The following RNLS variants were observed in gnomAD, a reference collection of about 807,000 sequenced individuals.
The protein encoded by RNLS is renalase.
In RNLS, 39 loss-of-function variants were observed where a neutral mutation model predicts 39.8. The ratio of observed to expected loss-of-function variants is 0.98; its 90% CI spans 0.76 to 1.28. RNLS has a LOEUF of 1.28. Among genes scored for constraint, RNLS ranks in the 50% most tolerant of loss-of-function variants. The probability of loss-of-function intolerance (pLI) is 0.00; values close to 1 mark genes in which losing one functional copy is unlikely to be tolerated. For synonymous variants in RNLS, 147 were observed against 150.7 expected, an observed-to-expected ratio of 0.98 and a Z score of 0.18; for missense variants, 410 against 413.3, an observed-to-expected ratio of 0.99 and a Z score of 0.07.
intron 6 of RNLS, among the ~76,000 whole-genome samples, chr10:88,277,931 T>C (rs1842871727): frequency 6.6e-6 from 1 of 152,226 alleles, no homozygotes; most frequent in Non-Finnish European, 1.5e-5. Context: ...ATATTAAAGT[T>C]TGCCAAATTT....
At chr10:88,538,447 G>A (rs144761578) in intron 4 of RNLS, among the ~76,000 whole-genome samples, 1 of 152,274 alleles carries the variant, frequency 6.6e-6, no homozygotes, top group African/African-American at 2.4e-5. Context: ...TGTTGTATCT[G>A]ATCACCATTT....
At chr10:88,451,497 C>T (rs748158294) in intron 4 of RNLS, among the ~76,000 whole-genome samples, 2 of 152,198 alleles carry the variant, frequency 1.3e-5, no homozygotes, top group Non-Finnish European at 2.9e-5. Flanking sequence ...CCCCACTGAG[C>T]AATGCAGCCA....
chr10:88,296,138 G>A (rs1844084017), intron 6 of RNLS, among the ~76,000 whole-genome samples: 1 of 152,062 alleles, frequency 6.6e-6, no homozygotes, highest in Non-Finnish European at 1.5e-5. Context: ...TAAAAAACCA[G>A]CTCCTTTCTG....
intron 4 of RNLS, among the ~76,000 whole-genome samples, chr10:88,463,497 A>T (rs1413101572): frequency 6.6e-6 from 1 of 152,024 alleles, no homozygotes; most frequent in Non-Finnish European, 1.5e-5. Flanking sequence ...TAAGCCACCC[A>T]GTCTGTGGTA....
chr10:88,551,150 T>TCC (rs1359948409), intron 4 of RNLS, among the ~76,000 whole-genome samples: 1 of 152,070 alleles, frequency 6.6e-6, no homozygotes, highest in East Asian at 1.9e-4. Context: ...GTGCCTGATG[T>TCC]CCCCAGGCCA....
intron 4 of RNLS, among the ~76,000 whole-genome samples, chr10:88,408,408 C>T (rs1454797019): frequency 1.3e-5 from 2 of 151,996 alleles, no homozygotes; most frequent in South Asian, 2.1e-4. Flanking sequence ...AGAGGTGATG[C>T]GTTTTGAGAA....
At chr10:88,281,161 C>CT (rs1315210897), downstream of RNLS, among the ~76,000 whole-genome samples, 1 of 152,140 alleles carries the variant, frequency 6.6e-6, no homozygotes, top group Non-Finnish European at 1.5e-5. Flanking sequence ...TTTGCTGAGA[C>CT]TTTTTTCTCC....
chr10:88,557,599 G>T (rs1428387816), intron 4 of RNLS, among the ~76,000 whole-genome samples: 2 of 152,094 alleles, frequency 1.3e-5, no homozygotes, highest in Admixed American at 6.6e-5. Context: ...AAGAATGCCA[G>T]TATTCCTCCC....
chr10:88,547,183 C>A (rs759165274), intron 4 of RNLS, among the ~76,000 whole-genome samples: 3 of 152,142 alleles, frequency 2.0e-5, no homozygotes, highest in Non-Finnish European at 2.9e-5. Context: ...TCTTCCTTTT[C>A]TTATTTACTT....
At chr10:88,247,974 A>G in the RNLS span, among the ~76,000 whole-genome samples, 81 of 152,290 alleles carry the variant, frequency 5.3e-4, no homozygotes, top group Non-Finnish European at 9.3e-4. Context: ...GCCTCCAGAA[A>G]GAAACACAGC....
chr10:88,248,923 T>A, the RNLS span, among the ~76,000 whole-genome samples: 1 of 152,206 alleles, frequency 6.6e-6, no homozygotes, highest in Non-Finnish European at 1.5e-5. Context: ...CTTCTGCTGT[T>A]CCTTCTGTCT....
chr10:88,228,275 T>C, the RNLS span, among the ~76,000 whole-genome samples: 3 of 152,274 alleles, frequency 2.0e-5, no homozygotes, highest in African/African-American at 2.4e-5. Flanking sequence ...CCACAGAAGA[T>C]TGGGTGGCTT....
chr10:88,393,144 C>G (rs904902208), intron 4 of RNLS, among the ~76,000 whole-genome samples: 1 of 152,126 alleles, frequency 6.6e-6, no homozygotes, highest in African/African-American at 2.4e-5. Context: ...GACAGGGATG[C>G]CCTCTCTTAC....
chr10:88,282,517 ACACACACAC>A (rs1843055890), downstream of RNLS, among the ~76,000 whole-genome samples: 2 of 102,972 alleles, frequency 1.9e-5, no homozygotes, highest in Admixed American at 1.0e-4. Flanking sequence ...ACACACACAC[ACACACACAC>A]GCTTGGATGA....
intron 4 of RNLS, among the ~76,000 whole-genome samples, chr10:88,469,725 C>T (rs1444891583): frequency 1.3e-5 from 2 of 151,628 alleles, no homozygotes; most frequent in South Asian, 2.1e-4. Flanking sequence ...AACCTGCTAG[C>T]ATCTCTGCTT....
chr10:88,374,899 C>T (rs1850854225), intron 4 of RNLS, among the ~76,000 whole-genome samples: 1 of 152,074 alleles, frequency 6.6e-6, no homozygotes, highest in South Asian at 2.1e-4. Context: ...GGCTTGATGT[C>T]CATCTGATGG....
intron 4 of RNLS, among the ~76,000 whole-genome samples, chr10:88,428,912 C>A (rs533020022): frequency 1.4e-4 from 22 of 151,998 alleles, no homozygotes; most frequent in African/African-American, 5.3e-4. Flanking sequence ...ATGGAAAGGG[C>A]AGTTGGTTGT....
chr10:88,218,835 C>G, the RNLS span, among the ~76,000 whole-genome samples: 1 of 152,142 alleles, frequency 6.6e-6, no homozygotes, highest in Non-Finnish European at 1.5e-5. Context: ...CTCAGACAGG[C>G]CCCACCCTCA....
the RNLS span, among the ~76,000 whole-genome samples, chr10:88,256,480 G>C: frequency 2.6e-5 from 4 of 152,180 alleles, no homozygotes; most frequent in Non-Finnish European, 5.9e-5. Context: ...AGGTCGGCGG[G>C]AACTCGGCCT....
Sources: gnomAD v4.1 joint callset for allele counts (sites outside exome capture counted in the v4.1 genomes callset) on GRCh38, gnomAD v4.1.1 for gene constraint, MANE v1.5 for transcripts, NCBI Gene and HGNC (gene_info 2026-07-23, HGNC 2026-07-21) for gene names.